The following LRP1B variants were observed in gnomAD, a reference collection of about 807,000 sequenced individuals.
The protein encoded by LRP1B is LDL receptor related protein 1B, also known as low-density lipoprotein receptor-related protein 1B.
In LRP1B, 217 loss-of-function variants were observed where a neutral mutation model predicts 556.6. The ratio of observed to expected loss-of-function variants is 0.39; its 90% CI spans 0.35 to 0.44. The LOEUF (loss-of-function observed/expected upper bound fraction) is 0.44, where lower values mean the gene tolerates loss of function less well. Ranked by LOEUF, LRP1B falls within the 20% of genes least tolerant of loss-of-function variation. The probability of loss-of-function intolerance (pLI) is 1.00; values close to 1 mark genes in which losing one functional copy is unlikely to be tolerated. For synonymous variants in LRP1B, 2,047 were observed against 1,865.8 expected (o/e 1.10, Z -2.50); for missense variants, 5,053 against 5,620.8 (o/e 0.90, Z 3.23).
chr2:140,768,791 A>G lies in LRP1B; in HGVS notation c.5758+422T>C, dbSNP rs140269581. 1.0e-3 allele frequency among the ~76,000 whole-genome samples: 159 copies of G among 152,050 alleles called. 1 individual carries two copies. The highest frequency in any genetic ancestry group is 3.7e-3 in the African/African-American group (154 of 41,528). ...ATGTATAATTGTTTCTAGTATTTGG[A>G]TTTCATTTGCCACCGCTTGTATTAC... On this transcript the variant is annotated intron_variant, in intron 35 of 90. Coordinates refer to ENST00000389484, the MANE Select transcript of LRP1B (RefSeq NM_018557.3).
At chr2:141,283,252 T>G (rs183121574) in intron 3 of LRP1B, among the ~76,000 whole-genome samples, 13 of 152,266 alleles carry the variant, frequency 8.5e-5, no homozygotes, top group African/African-American at 3.1e-4. Flanking sequence ...TGAAGTAAAT[T>G]GCATGTAAGT....
chr2:141,344,617 C>T (rs1189695773), intron 3 of LRP1B, among the ~76,000 whole-genome samples: 3 of 152,116 alleles, frequency 2.0e-5, no homozygotes, highest in African/African-American at 7.2e-5. Context: ...CACGTATTCT[C>T]ATATATGTTA....
At chr2:140,252,357 G>T (rs1681474447) in intron 86 of LRP1B, among the ~76,000 whole-genome samples, 1 of 151,938 alleles carries the variant, frequency 6.6e-6, no homozygotes, top group East Asian at 1.9e-4. Context: ...TAAACTTTGT[G>T]CTAGATCCTA....
intron 7 of LRP1B, among the ~76,000 whole-genome samples, chr2:141,147,337 A>C (rs1006396523): frequency 6.6e-6 from 1 of 152,122 alleles, no homozygotes. Context: ...TGAGGTTCCT[A>C]TGAGGACCCT....
intron 51 of LRP1B, among the ~76,000 whole-genome samples, chr2:140,511,597 A>G (rs562476435): frequency 3.9e-5 from 6 of 152,192 alleles, no homozygotes; most frequent in South Asian, 2.1e-4. Context: ...CACCGCGCCC[A>G]GCCCCTCTAG....
intron 2 of LRP1B, among the ~76,000 whole-genome samples, chr2:141,749,243 T>A (rs994429389): frequency 6.6e-6 from 1 of 152,198 alleles, no homozygotes; most frequent in Admixed American, 6.5e-5. Context: ...AAACAAGACC[T>A]TGTAAACTTT....
chr2:140,259,033 A>G (rs771456075), intron 86 of LRP1B, among the ~76,000 whole-genome samples: 1 of 152,136 alleles, frequency 6.6e-6, no homozygotes, highest in Non-Finnish European at 1.5e-5. Context: ...CCCTACTGCT[A>G]TAGAATGAAT....
intron 32 of LRP1B, among the ~76,000 whole-genome samples, chr2:140,779,832 C>A (rs1049073919): frequency 1.3e-5 from 2 of 149,884 alleles, no homozygotes; most frequent in Admixed American, 1.3e-4. Context: ...CTCCCATGAA[C>A]TCTTTCTTAA....
At chr2:140,908,675 C>CAT (rs34111952) in intron 21 of LRP1B, among the ~76,000 whole-genome samples, 31,513 of 151,774 alleles carry the variant, frequency 0.21, 3,385 homozygotes, top group African/African-American at 0.24. Context: ...TGGCGACTAA[C>CAT]ATGTATAGAC....
intron 1 of LRP1B, among the ~76,000 whole-genome samples, chr2:141,939,754 G>C (rs1274721516): frequency 6.6e-6 from 1 of 152,008 alleles, no homozygotes; most frequent in Admixed American, 6.6e-5. Flanking sequence ...TCGATGTCAT[G>C]TTAATATATT....
chr2:142,058,509 A>G (rs1704762438), intron 1 of LRP1B, among the ~76,000 whole-genome samples: 2 of 152,148 alleles, frequency 1.3e-5, no homozygotes, highest in Admixed American at 1.3e-4. Flanking sequence ...TGTGGCCTGA[A>G]ACAAATTCAA....
In LRP1B at chr2:141,036,778, G is replaced by A. The variant is rs571271021; in HGVS notation, c.1789+12208C>T. 1.9e-4 allele frequency among the ~76,000 whole-genome samples: 29 copies of A among 151,938 alleles called. 1 individual carries two copies. The highest frequency in any genetic ancestry group is 2.5e-4 in the Non-Finnish European group (17 of 67,986). On this transcript the variant is annotated intron_variant, in intron 11 of 90. Coordinates refer to ENST00000389484, the MANE Select transcript of LRP1B (RefSeq NM_018557.3). ...CCAGACAAAGGTACAGCAACACTCA[G>A]GGAAGAATAGGAGCGAAAGCTGTCT...
At chr2:140,701,496 ACATGTC>A (rs1401626517) in intron 40 of LRP1B, among the ~76,000 whole-genome samples, 2 of 152,116 alleles carry the variant, frequency 1.3e-5, no homozygotes, top group Non-Finnish European at 2.9e-5. Context: ...CAGGTATGTA[ACATGTC>A]CATGTACCTG....
Position 140,902,984 on chromosome 2 carries a change from T to C in LRP1B, c.3702A>G (p.Thr1234=), listed in dbSNP as rs1694147376. The change falls in exon 23 of 91, where the codon ACA becomes ACG. Residue 1234 remains threonine (T), a synonymous_variant. Transcript: ENST00000389484. The stretch of plus-strand genomic sequence containing the variant: ...AACCTTCATAACATGAGCACTTGAC[T>C]GTGTGCTTGTGCTGCTCACATACTT... ...CSQVCEQHKH[T]VKCSCYEGWK... 1 of 1,613,700 alleles carries C rather than the reference T, an allele frequency of 6.2e-7. No individual in the cohort carries two copies. Among genetic ancestry groups the C allele is most frequent in the Non-Finnish European group, 8.5e-7 (1 of 1,179,714 alleles).
In LRP1B at chr2:141,059,264, T is replaced by A. The variant is rs1404891; in HGVS notation, c.1237-210A>T. 9.2e-3 allele frequency among the ~76,000 whole-genome samples: 1,391 copies of A among 151,908 alleles called. 11 individuals are homozygous for A. The highest frequency in any genetic ancestry group is 0.015 in the Non-Finnish European group (1,010 of 67,836). On this transcript the variant is annotated intron_variant, in intron 8 of 90. Transcript: ENST00000389484. The stretch of plus-strand genomic sequence containing the variant: ...CATTATGCAGTAGTGTTTAAAACAG[T>A]TCCAAATGTAGGGACAGAATTGTAT...
chr2:140,552,684 C>T (rs1469279334), intron 43 of LRP1B, among the ~76,000 whole-genome samples: 2 of 152,152 alleles, frequency 1.3e-5, no homozygotes, highest in Non-Finnish European at 2.9e-5. Flanking sequence ...ACAAATTGCA[C>T]TCTACCATGC....
chr2:140,585,524 C>A (rs1195876232), intron 43 of LRP1B, among the ~76,000 whole-genome samples: 1 of 152,110 alleles, frequency 6.6e-6, no homozygotes, highest in East Asian at 1.9e-4. Context: ...AAATATATAT[C>A]AAATGGCTGA....
At chr2:141,688,777 G>A (rs958127087) in intron 2 of LRP1B, among the ~76,000 whole-genome samples, 22 of 151,726 alleles carry the variant, frequency 1.4e-4, no homozygotes, top group African/African-American at 4.8e-4. Context: ...ATCAAAAACC[G>A]TTTCAATTGA....
At chr2:141,554,090 A>T (rs1685866756) in intron 2 of LRP1B, among the ~76,000 whole-genome samples, 1 of 142,190 alleles carries the variant, frequency 7.0e-6, no homozygotes, top group Non-Finnish European at 1.5e-5. Context: ...AGACATATAG[A>T]TTATATATAT....
Sources: allele counts gnomAD v4.1 joint callset (sites outside exome capture counted in the v4.1 genomes callset), GRCh38; gene constraint gnomAD v4.1.1; transcripts MANE v1.5; gene names NCBI Gene and HGNC (gene_info 2026-07-23, HGNC 2026-07-21).